Variants in PTPRN2 observed in about 807,000 individuals in gnomAD.
PTPRN2 encodes the protein receptor-type tyrosine-protein phosphatase N2.
Under a neutral mutation model 118.8 loss-of-function variants are expected in PTPRN2, and 74 were observed. The ratio of observed to expected loss-of-function variants is 0.62; its 90% CI spans 0.52 to 0.76. The LOEUF is 0.76. Among genes scored for constraint, PTPRN2 ranks in the 30% least tolerant of loss-of-function variants. The pLI is 0.00. For missense variants in PTPRN2, 1,481 were observed against 1,394.4 expected (o/e 1.06, Z -0.99); for synonymous variants, 641 against 608.0 (o/e 1.05, Z -0.80).
At chr7:157,638,964 C>T (rs977860044) in intron 14 of PTPRN2, among the ~76,000 whole-genome samples, 8 of 152,184 alleles carry the variant, frequency 5.3e-5, no homozygotes, top group South Asian at 4.1e-4. Context: ...TGTGGAAACC[C>T]GGCGGAATGT....
At chr7:158,306,889 CAG>C (rs1801345644) in intron 3 of PTPRN2, among the ~76,000 whole-genome samples, 1 of 121,372 alleles carries the variant, frequency 8.2e-6, no homozygotes, top group Admixed American at 9.2e-5. Context: ...TTTTTTTAGA[CAG>C]AGTCTTGCTC....
intron 10 of PTPRN2, among the ~76,000 whole-genome samples, chr7:158,108,054 A>G (rs1815830062): frequency 6.7e-6 from 1 of 150,030 alleles, no homozygotes; most frequent in Non-Finnish European, 1.5e-5. Flanking sequence ...ATCTCAGCAT[A>G]GCCCCTTCCT....
chr7:158,075,472 G>C (rs1053791212), intron 11 of PTPRN2, among the ~76,000 whole-genome samples: 2 of 152,082 alleles, frequency 1.3e-5, no homozygotes, highest in African/African-American at 4.8e-5. Flanking sequence ...GCTGGGGCTG[G>C]TTCACACACT....
chr7:157,898,858 T>A, intron 11 of PTPRN2, 121 bp from the exon 12 acceptor site: 1 of 855,446 alleles, frequency 1.2e-6, no homozygotes, highest in Non-Finnish European at 2.0e-6. Flanking sequence ...CCGCCTACCT[T>A]AATGGAAGGG....
At chr7:158,051,877 G>A (rs10266588) in intron 11 of PTPRN2, among the ~76,000 whole-genome samples, 73,849 of 152,076 alleles carry the variant, frequency 0.49, 18,526 homozygotes, top group Non-Finnish European at 0.53. Flanking sequence ...TGGCCAGCTC[G>A]AAACACAAAA....
At chr7:157,960,082 A>T (rs1319778119) in intron 11 of PTPRN2, among the ~76,000 whole-genome samples, 1 of 151,642 alleles carries the variant, frequency 6.6e-6, no homozygotes, top group Non-Finnish European at 1.5e-5. Context: ...TGTATATATA[A>T]GAGGACAAAT....
rs546987816 is a variant in PTPRN2, at chr7:158,488,483, C to G, written c.163+1252G>C. ...CTGCCTAGGCACAGACACAGAGGTGCCCCCAGCCCCAAAATTCCATCCGGA... is the reference window on the plus strand; with the variant it reads ...CTGCCTAGGCACAGACACAGAGGTGGCCCCAGCCCCAAAATTCCATCCGGA... On this transcript the variant is annotated intron_variant, in intron 2 of 22. Transcript: ENST00000389418. 1.8e-4 allele frequency among the ~76,000 whole-genome samples: 27 copies of G among 152,298 alleles called. 1 individual carries two copies. The highest frequency in any genetic ancestry group is 6.5e-4 in the African/African-American group (27 of 41,564).
chr7:157,992,916 G>A (rs1019726054), intron 11 of PTPRN2, among the ~76,000 whole-genome samples: 16 of 152,254 alleles, frequency 1.1e-4, no homozygotes, highest in African/African-American at 3.6e-4. Flanking sequence ...ACACACAGAC[G>A]CCAGGAGACA....
chr7:158,192,249 G>T, intron 5 of PTPRN2, 78 bp downstream of exon 5: 6 of 1,349,280 alleles, frequency 4.4e-6, no homozygotes, highest in Non-Finnish European at 5.8e-6. Context: ...AGGAGCCAGC[G>T]ACTAAGGAAA....
At chr7:158,027,764 G>GAACA (rs4019393) in intron 11 of PTPRN2, 20,465 of 152,160 alleles carry the variant, frequency 0.13, 1,414 homozygotes, top group Admixed American at 0.16. Context: ...GCATCCTGTG[G>GAACA]AACATATTGT....
chr7:157,872,343 C>T (rs1811142350), intron 12 of PTPRN2, among the ~76,000 whole-genome samples: 1 of 137,008 alleles, frequency 7.3e-6, no homozygotes, highest in African/African-American at 2.7e-5. Context: ...CCAGTGTCCT[C>T]CCCCCACACA....
At chr7:158,266,389 C>G (rs1479181441) in intron 3 of PTPRN2, among the ~76,000 whole-genome samples, 1 of 143,110 alleles carries the variant, frequency 7.0e-6, no homozygotes, top group East Asian at 2.1e-4. Flanking sequence ...GGCAGTGAGG[C>G]TGGGGACGGT....
At chr7:158,258,548 G>A (rs1267976501) in intron 3 of PTPRN2, among the ~76,000 whole-genome samples, 1 of 152,240 alleles carries the variant, frequency 6.6e-6, no homozygotes, top group Non-Finnish European at 1.5e-5. Flanking sequence ...GCCTCTGGTA[G>A]GATGGGGGCG....
intron 14 of PTPRN2, among the ~76,000 whole-genome samples, chr7:157,650,675 G>C (rs1434009925): frequency 6.6e-6 from 1 of 152,212 alleles, no homozygotes; most frequent in Non-Finnish European, 1.5e-5. Flanking sequence ...GAATCTTCCA[G>C]AAATACAGGG....
chr7:158,238,664 C>T (rs758196723), intron 3 of PTPRN2, among the ~76,000 whole-genome samples: 2 of 152,184 alleles, frequency 1.3e-5, no homozygotes, highest in Non-Finnish European at 2.9e-5. Context: ...CCAGGAAGCA[C>T]GGGTCGCAGC....
chr7:158,271,387 C>T (rs1374009598), intron 3 of PTPRN2, among the ~76,000 whole-genome samples: 4 of 152,236 alleles, frequency 2.6e-5, no homozygotes, highest in Admixed American at 2.0e-4. Flanking sequence ...CACAACTTAT[C>T]ATTAAAGTAT....
intron 21 of PTPRN2, among the ~76,000 whole-genome samples, chr7:157,555,100 C>T (rs1317210397): frequency 6.6e-6 from 1 of 151,398 alleles, no homozygotes; most frequent in Non-Finnish European, 1.5e-5. Context: ...AGGGAGGCAG[C>T]CACAGACACC....
rs977073337 is a variant in PTPRN2 at position 157,964,537 on chromosome 7, T to A, written c.1724-65800A>T. 6.6e-6 allele frequency among the ~76,000 whole-genome samples: 1 copy of A among 152,008 alleles called. No homozygotes were observed. The highest frequency in any genetic ancestry group is 1.5e-5 in the Non-Finnish European group (1 of 68,012). ...ATTTGAGGTTAAATGTTTGCCAATC[T>A]AATTTGGTCAAAACAGTTCATCCAC... On this transcript the variant is annotated intron_variant, in intron 11 of 22. Coordinates refer to ENST00000389418, the MANE Select transcript of PTPRN2 (RefSeq NM_002847.5). This position sits in a 1 kb window ranked among gnomAD's most constrained non-coding sequence, Gnocchi z 9.0.
chr7:157,793,205 T>C (rs1028222527), intron 12 of PTPRN2, among the ~76,000 whole-genome samples: 2 of 152,070 alleles, frequency 1.3e-5, no homozygotes, highest in African/African-American at 4.8e-5. Context: ...TCCCCTGCTG[T>C]TCCCTCTGCA....
Sources: allele counts gnomAD v4.1 joint callset (sites outside exome capture counted in the v4.1 genomes callset), GRCh38; gene constraint gnomAD v4.1.1; non-coding constraint Gnocchi (gnomAD v3.1); transcripts MANE v1.5; gene names NCBI Gene and HGNC (gene_info 2026-07-23, HGNC 2026-07-21).